Variants in TCEANC2 observed in about 807,000 individuals in gnomAD.
The protein encoded by TCEANC2 is transcription elongation factor A N-terminal and central domain containing 2, also known as transcription elongation factor A N-terminal and central domain-containing protein 2.
A neutral mutation model predicts 22.8 loss-of-function variants in TCEANC2; 20 were observed. That is an observed-to-expected ratio of 0.88 (90% CI 0.62 to 1.28). TCEANC2 has a LOEUF of 1.28. Among genes scored for constraint, TCEANC2 ranks in the 50% most tolerant of loss-of-function variants. The pLI is 0.00. For synonymous variants in TCEANC2, 84 were observed against 95.5 expected (o/e 0.88, Z 0.70); for missense variants, 251 against 249.7 (o/e 1.01, Z -0.03).
chr1:54,088,739 G>A lies in TCEANC2; in HGVS notation c.387G>A (p.Glu129=). ...AAGTTAGAAGTGATCCCAAAACCGA[G>A]TCGTTGAGGAAAAATGCTCAGAAAT... ...SIEVRSDPKT[E]SLRKNAQKLL... Residue 129 remains glutamate (E), a synonymous_variant, in exon 4 of 5, where the codon GAG becomes GAA. Coordinates refer to ENST00000234827, the MANE Select transcript of TCEANC2 (RefSeq NM_153035.3). 1 of 1,601,034 alleles carries A rather than the reference G, an allele frequency of 6.2e-7. No individual in the cohort carries two copies. The highest frequency in any genetic ancestry group is 8.5e-7 in the Non-Finnish European group (1 of 1,173,998).
intron 3 of TCEANC2, among the ~76,000 whole-genome samples, chr1:54,085,995 A>G (rs1435599171): frequency 6.6e-6 from 1 of 152,122 alleles, no homozygotes; most frequent in Non-Finnish European, 1.5e-5. Context: ...TGGCATCGCA[A>G]AGTGTTGAGA....
At chr1:54,078,528 T>C (rs536443108) in intron 3 of TCEANC2, among the ~76,000 whole-genome samples, 13 of 152,312 alleles carry the variant, frequency 8.5e-5, no homozygotes, top group African/African-American at 3.1e-4. Flanking sequence ...TTTTCTTGTA[T>C]ACCTCAAATG....
downstream of TCEANC2, among the ~76,000 whole-genome samples, chr1:54,109,846 A>C (rs184495901): frequency 1.6e-4 from 24 of 152,318 alleles, no homozygotes; most frequent in Admixed American, 3.3e-4. Flanking sequence ...GCTCCCAAAG[A>C]AGCACTAAGG....
intron 2 of TCEANC2, among the ~76,000 whole-genome samples, chr1:54,056,353 G>A (rs532513747): frequency 6.0e-4 from 90 of 149,728 alleles, no homozygotes; most frequent in Non-Finnish European, 6.0e-4. Context: ...CTGTCGCCCC[G>A]GCTGGAGGGC....
intron 2 of TCEANC2, among the ~76,000 whole-genome samples, chr1:54,064,295 C>T (rs910137858): frequency 1.3e-5 from 2 of 152,060 alleles, no homozygotes; most frequent in Non-Finnish European, 2.9e-5. Flanking sequence ...AGGTTCTTGG[C>T]GTTTTGAACA....
At position 54,096,104 on chromosome 1, in the gene TCEANC2, C is replaced by T. The variant is rs1278724996; in HGVS notation, c.439-181C>T. Reference sequence around the variant, plus strand: ...AGGTCCCTGTCACAAAGCACATGGCCTTGTTCCTTAATTGCCAGGGTGGAA... The same window carrying T: ...AGGTCCCTGTCACAAAGCACATGGCTTTGTTCCTTAATTGCCAGGGTGGAA... On this transcript the variant is annotated intron_variant, in intron 4 of 4. Coordinates refer to ENST00000234827, the MANE Select transcript of TCEANC2 (RefSeq NM_153035.3). The surrounding 1 kb of genome is among the most constrained non-coding windows in gnomAD (Gnocchi z 4.9). 1.3e-5 allele frequency among the ~76,000 whole-genome samples: 2 copies of T among 152,152 alleles called. No homozygotes were observed. The highest frequency in any genetic ancestry group is 2.9e-5 in the Non-Finnish European group (2 of 68,030).
At chr1:54,107,671 T>A (rs1008243286), downstream of TCEANC2, among the ~76,000 whole-genome samples, 4 of 152,150 alleles carry the variant, frequency 2.6e-5, no homozygotes, top group African/African-American at 9.7e-5. Context: ...ATGCGTTGGG[T>A]TGTAATCAGA....
Position 54,099,725 on chromosome 1 carries a change from C to CA in TCEANC2, c.*3253dup, listed in dbSNP as rs1658624701. 7.5e-6 allele frequency: 1 copy of CA among 133,540 alleles called. No individual in the cohort carries two copies. Among genetic ancestry groups the CA allele is most frequent in the Non-Finnish European group, 1.5e-5 (1 of 64,760 alleles). The allele number at this position is 133,540 out of a possible 1,614,324, so 8.3% of individuals were successfully genotyped here. On this transcript the variant is annotated 3_prime_UTR_variant, in exon 5 of 5. Coordinates refer to ENST00000234827, the MANE Select transcript of TCEANC2 (RefSeq NM_153035.3). ...TACCACTGCACTCCAGCCTGGGCAA[C>CA]AGAGTGAGACTCTGTCTCAAAAAAA...
At position 54,102,614 on chromosome 1, in the gene TCEANC2, C is replaced by T. The variant is rs746383813; in HGVS notation, c.*6141C>T. The T allele has an allele frequency of 2.0e-5, 3 of 152,298 alleles. No individual in the cohort carries two copies. Among genetic ancestry groups the T allele is most frequent in the Non-Finnish European group, 2.9e-5 (2 of 68,092 alleles). 9.4% of individuals were successfully genotyped at this position (152,298 alleles called of 1,614,324 possible). On this transcript the variant is annotated 3_prime_UTR_variant, in exon 5 of 5. Transcript: ENST00000234827. Reference sequence around the variant, plus strand: ...AGGGCCAGAGGGCAGAAGATAGTTACGTGAGCAGGTGGCCCAGACATCTAT... The same window carrying T: ...AGGGCCAGAGGGCAGAAGATAGTTATGTGAGCAGGTGGCCCAGACATCTAT...
At chr1:54,070,973 G>A (rs1414762607) in intron 3 of TCEANC2, among the ~76,000 whole-genome samples, 4 of 152,224 alleles carry the variant, frequency 2.6e-5, no homozygotes, top group African/African-American at 9.6e-5. Context: ...GAGTAGGGCA[G>A]AAGGTATTGA....
Position 54,105,008 on chromosome 1 carries a change from A to G in TCEANC2, c.*8535A>G. The G allele has an allele frequency of 5.9e-6, 1 of 168,462 alleles. No individual in the cohort carries two copies. Among genetic ancestry groups the G allele is most frequent in the Non-Finnish European group, 1.3e-5 (1 of 76,556 alleles). 10.4% of individuals were successfully genotyped at this position (168,462 alleles called of 1,614,324 possible). A position where few individuals can be genotyped will look rare whatever the true frequency, so the allele number is the denominator to read the frequency against. ...TGGCTGAGGGTAAGGAGGATCTAGA[A>G]TGGATAGTAGAAGAGGGAGATGATG... On this transcript the variant is annotated 3_prime_UTR_variant, in exon 5 of 5. Coordinates refer to ENST00000234827, the MANE Select transcript of TCEANC2 (RefSeq NM_153035.3).
rs1319914907 is a variant in TCEANC2, at chr1:54,102,850, T to C, written c.*6377T>C. On this transcript the variant is annotated 3_prime_UTR_variant, in exon 5 of 5. Coordinates refer to ENST00000234827, the MANE Select transcript of TCEANC2 (RefSeq NM_153035.3). Reference sequence around the variant, plus strand: ...GGGGCATCCTTGAAAGACAGCAGAGTGGGGAGTCCTTCTAGTGGGCATAGG... The same window carrying C: ...GGGGCATCCTTGAAAGACAGCAGAGCGGGGAGTCCTTCTAGTGGGCATAGG... 1 of 152,222 alleles carries C rather than the reference T, an allele frequency of 6.6e-6. No individual in the cohort carries two copies. The highest frequency in any genetic ancestry group is 1.9e-4 in the East Asian group (1 of 5,194). 9.4% of individuals were successfully genotyped at this position (152,222 alleles called of 1,614,324 possible). A position where few individuals can be genotyped will look rare whatever the true frequency, so the allele number is the denominator to read the frequency against.
At chr1:54,075,147 T>C (rs1448615874) in intron 3 of TCEANC2, among the ~76,000 whole-genome samples, 1 of 152,224 alleles carries the variant, frequency 6.6e-6, no homozygotes. Flanking sequence ...TTCCTTGTCC[T>C]ATGCCTTATG....
intron 4 of TCEANC2, among the ~76,000 whole-genome samples, chr1:54,094,071 C>T (rs1268118543): frequency 6.6e-6 from 1 of 152,188 alleles, no homozygotes; most frequent in African/African-American, 2.4e-5. Flanking sequence ...TAGAGAACCA[C>T]AGCGCCAAGT....
intron 2 of TCEANC2, among the ~76,000 whole-genome samples, chr1:54,060,017 C>T (rs921116811): frequency 5.9e-5 from 9 of 151,890 alleles, no homozygotes; most frequent in African/African-American, 1.7e-4. Flanking sequence ...CCTATAATCC[C>T]AGCACTTGGA....
chr1:54,057,161 A>G (rs1301178118), intron 2 of TCEANC2, among the ~76,000 whole-genome samples: 1 of 151,590 alleles, frequency 6.6e-6, no homozygotes, highest in Non-Finnish European at 1.5e-5. Context: ...ATACCAAGTA[A>G]CTGGGACTAG....
At chr1:54,108,366 AG>A (rs1171832577), downstream of TCEANC2, among the ~76,000 whole-genome samples, 1 of 152,188 alleles carries the variant, frequency 6.6e-6, no homozygotes, top group East Asian at 1.9e-4. Flanking sequence ...CTGTATTTGG[AG>A]ATAGGGCCTT....
At chr1:54,110,567 G>C (rs1293983816), downstream of TCEANC2, among the ~76,000 whole-genome samples, 1 of 152,066 alleles carries the variant, frequency 6.6e-6, no homozygotes, top group Non-Finnish European at 1.5e-5. Flanking sequence ...TTGCGCCACT[G>C]CACTCCAGCC....
chr1:54,060,430 G>A (rs1456473949), intron 2 of TCEANC2, among the ~76,000 whole-genome samples: 3 of 151,688 alleles, frequency 2.0e-5, no homozygotes, highest in Non-Finnish European at 4.4e-5. Flanking sequence ...TTAGCCGGGC[G>A]TGGTGGCATG....
Sources: gnomAD v4.1 joint callset for allele counts (sites outside exome capture counted in the v4.1 genomes callset) on GRCh38, gnomAD v4.1.1 for gene constraint, Gnocchi (gnomAD v3.1) non-coding constraint, MANE v1.5 for transcripts, NCBI Gene and HGNC (gene_info 2026-07-23, HGNC 2026-07-21) for gene names.